Variants in TFEC observed in about 807,000 individuals in gnomAD.
TFEC encodes the protein class E basic helix-loop-helix protein 34.
TFEC carries 31 observed loss-of-function variants against 41.6 expected under a neutral mutation model. The observed-to-expected ratio is 0.74, with a 90% CI of 0.56 to 1.01. The LOEUF (loss-of-function observed/expected upper bound fraction) is 1.01, where lower values mean the gene tolerates loss of function less well. TFEC is among the 50% of genes least tolerant of loss of function. The probability of loss-of-function intolerance (pLI) is 0.00; values close to 1 mark genes in which losing one functional copy is unlikely to be tolerated. For synonymous variants in TFEC, 143 were observed against 140.6 expected (o/e 1.02, Z -0.12); for missense variants, 402 against 404.1 (o/e 0.99, Z 0.04).
chr7:115,992,454 C>T (rs1046813119), intron 1 of TFEC, among the ~76,000 whole-genome samples: 8 of 151,900 alleles, frequency 5.3e-5, no homozygotes, highest in Admixed American at 1.3e-4. Context: ...ATTGATAGAC[C>T]GCTAGCAAGA....
At chr7:116,144,213 C>CAA (rs199544196) in intron 1 of TFEC, among the ~76,000 whole-genome samples, 2 of 142,662 alleles carry the variant, frequency 1.4e-5, no homozygotes, top group African/African-American at 5.1e-5. Context: ...GAGACTCCAT[C>CAA]AAAAAAAAAA....
chr7:116,022,787 A>T (rs1035155372), intron 1 of TFEC, among the ~76,000 whole-genome samples: 1 of 152,178 alleles, frequency 6.6e-6, no homozygotes, highest in Non-Finnish European at 1.5e-5. Context: ...ATTTAAAAGC[A>T]GCACTAAAAA....
intron 3 of TFEC, among the ~76,000 whole-genome samples, chr7:116,094,523 G>T (rs956816188): frequency 2.0e-5 from 3 of 151,336 alleles, no homozygotes; most frequent in African/African-American, 7.3e-5. Context: ...TACCAAAAAT[G>T]CAAAAAATTA....
chr7:116,083,195 G>A (rs1042911106), intron 3 of TFEC, among the ~76,000 whole-genome samples: 2 of 151,694 alleles, frequency 1.3e-5, no homozygotes, highest in Non-Finnish European at 3.0e-5. Context: ...AATTAAAATA[G>A]GTGTAACATG....
intron 7 of TFEC, chr7:115,941,212 C>T (rs940996700): frequency 5.2e-5 from 14 of 268,042 alleles, no homozygotes; most frequent in African/African-American, 2.4e-4. Context: ...TACAATATAG[C>T]CATTTGGAGA....
intron 1 of TFEC, among the ~76,000 whole-genome samples, chr7:116,151,653 G>A (rs965607475): frequency 6.6e-6 from 1 of 151,522 alleles, no homozygotes; most frequent in African/African-American, 2.4e-5. Context: ...TGTTACAATG[G>A]AATTTTTTTT....
At position 116,006,181 on chromosome 7, in the gene TFEC, G is replaced by A. The variant is rs562371911; in HGVS notation, c.-72-21668C>T. On this transcript the variant is annotated intron_variant, in intron 1 of 7. Coordinates refer to ENST00000265440, the MANE Select transcript of TFEC (RefSeq NM_012252.4). ...GAGCCTCCGCACAGAGTCCCTACTG[G>A]ACCACTGCTTAGTGGAGCTGTGAGA... Among the ~76,000 whole-genome samples, 18 of 152,320 alleles carry A rather than the reference G, an allele frequency of 1.2e-4. No homozygotes were observed. In the East Asian group the frequency reaches 3.3e-3, roughly 28 times the overall value.
At chr7:116,015,683 A>G (rs763363685) in intron 1 of TFEC, among the ~76,000 whole-genome samples, 1 of 152,216 alleles carries the variant, frequency 6.6e-6, no homozygotes, top group Non-Finnish European at 1.5e-5. Context: ...GAAAATGTGT[A>G]TAAGACTTCT....
intron 1 of TFEC, among the ~76,000 whole-genome samples, chr7:116,024,808 G>A (rs890865381): frequency 2.7e-5 from 4 of 149,804 alleles, no homozygotes; most frequent in African/African-American, 1.0e-4. Context: ...TCATATTCCA[G>A]AATATCTTTG....
At chr7:116,030,044 T>C (rs1795737592) in intron 1 of TFEC, among the ~76,000 whole-genome samples, 1 of 152,014 alleles carries the variant, frequency 6.6e-6, no homozygotes, top group African/African-American at 2.4e-5. Flanking sequence ...CCAGCCTGGG[T>C]GACAGGGTGA....
At chr7:116,125,800 A>G (rs1444241726) in intron 1 of TFEC, among the ~76,000 whole-genome samples, 1 of 152,202 alleles carries the variant, frequency 6.6e-6, no homozygotes, top group Non-Finnish European at 1.5e-5. Context: ...TCAGTAAGAC[A>G]TATTTGCAGC....
At chr7:116,040,943 G>A (rs1796022398) in intron 3 of TFEC, among the ~76,000 whole-genome samples, 1 of 152,144 alleles carries the variant, frequency 6.6e-6, no homozygotes, top group Non-Finnish European at 1.5e-5. Context: ...CACAGCTTAA[G>A]AAATTTAAAA....
intron 3 of TFEC, among the ~76,000 whole-genome samples, chr7:116,072,339 AAACT>A (rs982881152): frequency 5.3e-5 from 8 of 151,614 alleles, no homozygotes; most frequent in Non-Finnish European, 1.0e-4. Context: ...CATAAAGTAA[AAACT>A]AACTTCTTAA....
At chr7:116,076,134 C>T (rs1047937100) in intron 3 of TFEC, among the ~76,000 whole-genome samples, 1 of 152,140 alleles carries the variant, frequency 6.6e-6, no homozygotes, top group African/African-American at 2.4e-5. Flanking sequence ...AGCCTGGAGC[C>T]CAGTAGCTCC....
intron 1 of TFEC, among the ~76,000 whole-genome samples, chr7:116,155,032 C>T (rs1245751911): frequency 1.3e-5 from 2 of 152,226 alleles, no homozygotes; most frequent in African/African-American, 4.8e-5. Flanking sequence ...AATACATTCT[C>T]AGTCTCTGAG....
At chr7:115,956,093 G>A (rs1362197141) in intron 4 of TFEC, among the ~76,000 whole-genome samples, 1 of 151,856 alleles carries the variant, frequency 6.6e-6, no homozygotes, top group African/African-American at 2.4e-5. Flanking sequence ...CTTTGACCCT[G>A]GGTTGATTTC....
chr7:116,030,613 C>T lies in TFEC; in HGVS notation c.-73+20G>A, dbSNP rs1209374580. On this transcript the variant is annotated intron_variant, in intron 1 of 7. Coordinates refer to ENST00000265440, the MANE Select transcript of TFEC (RefSeq NM_012252.4). ...TTTGTTTAAAGTACAGAAAATTAAC[C>T]TGCCGGTTTAGTTACCTACCAGCAA... 3 of 984,844 alleles carry T rather than the reference C, an allele frequency of 3.0e-6. No individual in the cohort carries two copies. Among genetic ancestry groups the T allele is most frequent in the Non-Finnish European group, 3.6e-6 (3 of 829,616 alleles). The allele number at this position is 984,844 out of a possible 1,614,324, so 61.0% of individuals were successfully genotyped here.
chr7:115,991,254 C>A (rs1307469800), intron 1 of TFEC, among the ~76,000 whole-genome samples: 11 of 152,210 alleles, frequency 7.2e-5, no homozygotes, highest in Admixed American at 5.9e-4. Context: ...ACAACTAGTA[C>A]AAGCCACTGC....
chr7:115,984,191 A>G (rs533900550), intron 2 of TFEC, 71 bp downstream of exon 2: 3 of 1,543,848 alleles, frequency 1.9e-6, no homozygotes, highest in African/African-American at 2.7e-5. Context: ...TAAAATGTTG[A>G]CTTCAATTAC....
Sources: allele counts gnomAD v4.1 joint callset (sites outside exome capture counted in the v4.1 genomes callset), GRCh38; gene constraint gnomAD v4.1.1; transcripts MANE v1.5; gene names NCBI Gene and HGNC (gene_info 2026-07-23, HGNC 2026-07-21).